The following RAD51B variants were observed in gnomAD, a reference collection of about 807,000 sequenced individuals.
RAD51B encodes DNA repair protein RAD51 homolog 2.
RAD51B carries 38 observed loss-of-function variants against 42.2 expected under a neutral mutation model. The observed-to-expected ratio is 0.90, with a 90% CI of 0.70 to 1.18. RAD51B has a LOEUF of 1.18. RAD51B is among the 50% of genes most tolerant of loss of function. RAD51B has a pLI of 0.00. For missense variants in RAD51B, 373 were observed against 400.7 expected, an observed-to-expected ratio of 0.93 and a Z score of 0.59; for synonymous variants, 154 against 145.2, an observed-to-expected ratio of 1.06 and a Z score of -0.43.
At chr14:68,386,777 G>C (rs544390163) in intron 8 of RAD51B, among the ~76,000 whole-genome samples, 3 of 152,258 alleles carry the variant, frequency 2.0e-5, no homozygotes, top group African/African-American at 7.2e-5. Flanking sequence ...AGCAAGCAGA[G>C]GGAAGGTGAT....
intron 9 of RAD51B, among the ~76,000 whole-genome samples, chr14:68,462,920 A>G (rs936497259): frequency 2.6e-5 from 4 of 152,194 alleles, no homozygotes; most frequent in African/African-American, 4.8e-5. Context: ...GCTCAGTTAC[A>G]TATTTCTTTG....
intron 11 of RAD51B, among the ~76,000 whole-genome samples, chr14:68,668,423 C>T (rs1032761068): frequency 6.6e-6 from 1 of 152,220 alleles, no homozygotes; most frequent in Non-Finnish European, 1.5e-5. Context: ...CTCCACTTCC[C>T]GGCCTCCCCT....
At chr14:68,027,297 G>T (rs1353544820) in intron 7 of RAD51B, among the ~76,000 whole-genome samples, 1 of 151,970 alleles carries the variant, frequency 6.6e-6, no homozygotes, top group Non-Finnish European at 1.5e-5. Flanking sequence ...ATTGACTTTG[G>T]TGAATCTGAT....
At chr14:68,604,175 G>A (rs1595018830) in intron 10 of RAD51B, among the ~76,000 whole-genome samples, 1 of 152,202 alleles carries the variant, frequency 6.6e-6, no homozygotes, top group Non-Finnish European at 1.5e-5. Flanking sequence ...GTGAGGCCAG[G>A]TGCACGCGAG....
At chr14:68,288,238 G>T (rs1354565694) in intron 7 of RAD51B, among the ~76,000 whole-genome samples, 1 of 152,210 alleles carries the variant, frequency 6.6e-6, no homozygotes, top group Non-Finnish European at 1.5e-5. Flanking sequence ...AAGTTGTGAT[G>T]ATTGTAATCA....
At chr14:68,275,940 A>G (rs151303665) in intron 7 of RAD51B, among the ~76,000 whole-genome samples, 189 of 152,204 alleles carry the variant, frequency 1.2e-3, no homozygotes, top group Admixed American at 3.2e-3. Flanking sequence ...GAGATTATGT[A>G]GACATCTTGC....
intron 7 of RAD51B, among the ~76,000 whole-genome samples, chr14:68,138,409 G>T (rs1166260877): frequency 6.6e-6 from 1 of 152,176 alleles, no homozygotes; most frequent in Non-Finnish European, 1.5e-5. Flanking sequence ...AGCAAAATGA[G>T]TGTGGCTTAA....
chr14:68,681,030 T>TA (rs759384527), intron 11 of RAD51B, among the ~76,000 whole-genome samples: 16 of 152,230 alleles, frequency 1.1e-4, no homozygotes, highest in Admixed American at 7.8e-4. Flanking sequence ...ATATTCAAGC[T>TA]AAAGAACCTC....
At chr14:68,546,491 T>C (rs1888241582) in intron 10 of RAD51B, among the ~76,000 whole-genome samples, 1 of 152,152 alleles carries the variant, frequency 6.6e-6, no homozygotes, top group East Asian at 1.9e-4. Flanking sequence ...CATGTATGAT[T>C]TGAGACAACC....
intron 7 of RAD51B, among the ~76,000 whole-genome samples, chr14:67,950,156 T>G (rs906228362): frequency 1.3e-5 from 2 of 152,142 alleles, no homozygotes; most frequent in African/African-American, 4.8e-5. Flanking sequence ...CTTTGAAGTT[T>G]TGAAACCAGG....
chr14:68,528,994 G>C (rs1428083562), intron 10 of RAD51B, among the ~76,000 whole-genome samples: 1 of 152,158 alleles, frequency 6.6e-6, no homozygotes, highest in African/African-American at 2.4e-5. Flanking sequence ...ACCCTATTCT[G>C]TTTCATCAAA....
intron 7 of RAD51B, among the ~76,000 whole-genome samples, chr14:68,285,174 C>G (rs1232456888): frequency 6.6e-6 from 1 of 152,168 alleles, no homozygotes; most frequent in Non-Finnish European, 1.5e-5. Flanking sequence ...TGGACCTGAA[C>G]AATTTCTCAC....
rs138614755 is a variant in RAD51B, at chr14:68,099,843, C to T, written c.757-192041C>T. Among the ~76,000 whole-genome samples the T allele has an allele frequency of 2.2e-4, 34 of 152,210 alleles. No homozygotes were observed. The East Asian group carries it at 4.4e-3, about 20-fold the overall frequency. Reference sequence around the variant, plus strand: ...AATGCCTGTATTGAGAAAGCCCAGTCGAGCAGAAGAGTTTTTGGTTTCTGC... The same window carrying T: ...AATGCCTGTATTGAGAAAGCCCAGTTGAGCAGAAGAGTTTTTGGTTTCTGC... On this transcript the variant is annotated intron_variant, in intron 7 of 10. Transcript: ENST00000471583.
intron 10 of RAD51B, among the ~76,000 whole-genome samples, chr14:68,601,804 T>C (rs555711716): frequency 1.3e-5 from 2 of 152,196 alleles, no homozygotes; most frequent in South Asian, 4.1e-4. Flanking sequence ...TTCCTTGTCC[T>C]TTCTGGAACA....
At chr14:68,428,486 G>A (rs1388622360) in intron 9 of RAD51B, among the ~76,000 whole-genome samples, 1 of 151,690 alleles carries the variant, frequency 6.6e-6, no homozygotes, top group Non-Finnish European at 1.5e-5. Context: ...TATTCGCATT[G>A]CATAACTGAA....
At chr14:68,631,730 T>C (rs866839624) in intron 10 of RAD51B, among the ~76,000 whole-genome samples, 13 of 152,304 alleles carry the variant, frequency 8.5e-5, no homozygotes, top group Middle Eastern at 3.4e-3. Context: ...TTCCCTCTGC[T>C]GGGAGTGTCT....
intron 7 of RAD51B, among the ~76,000 whole-genome samples, chr14:68,137,763 C>T (rs1426789972): frequency 6.6e-6 from 1 of 152,222 alleles, no homozygotes; most frequent in Non-Finnish European, 1.5e-5. Context: ...TATTTCAAAA[C>T]TACTGAAGCC....
intron 7 of RAD51B, among the ~76,000 whole-genome samples, chr14:68,136,237 T>C (rs1179097082): frequency 1.3e-5 from 2 of 152,254 alleles, no homozygotes; most frequent in African/African-American, 4.8e-5. Flanking sequence ...TCCAGTCATC[T>C]TTAATATTTT....
intron 10 of RAD51B, among the ~76,000 whole-genome samples, chr14:68,569,594 T>C (rs1889591925): frequency 6.6e-6 from 1 of 152,194 alleles, no homozygotes; most frequent in Admixed American, 6.5e-5. Flanking sequence ...TGTGCTGTCA[T>C]ATGCAGATCA....
Sources: allele counts gnomAD v4.1 joint callset (sites outside exome capture counted in the v4.1 genomes callset), GRCh38; gene constraint gnomAD v4.1.1; transcripts MANE v1.5; gene names NCBI Gene and HGNC (gene_info 2026-07-23, HGNC 2026-07-21).